The following EPN1 variants were observed in gnomAD, a reference collection of about 807,000 sequenced individuals.
The protein encoded by EPN1 is epsin-1.
Under a neutral mutation model 56.9 loss-of-function variants are expected in EPN1, and 25 were observed. The observed-to-expected ratio is 0.44, with a 90% CI of 0.32 to 0.61. The LOEUF (loss-of-function observed/expected upper bound fraction) is 0.61. Among genes scored for constraint, EPN1 ranks in the 20% least tolerant of loss-of-function variants. The pLI is 0.05. For missense variants in EPN1, 785 were observed against 823.7 expected (o/e 0.95, Z 0.58); for synonymous variants, 411 against 361.8 (o/e 1.14, Z -1.54).
At chr19:55,679,782 GAC>G (rs918662389) in intron 2 of EPN1, among the ~76,000 whole-genome samples, 4 of 152,160 alleles carry the variant, frequency 2.6e-5, no homozygotes, top group African/African-American at 9.7e-5. Context: ...TACCCATCCC[GAC>G]ACACCAGGAT....
rs1296499605 is a variant in EPN1 at position 55,678,595 on chromosome 19, GCC to G, written c.-31_-30del. The stretch of plus-strand genomic sequence containing the variant: ...TCGCCCCATCTCTCCACGCATCGGG[GCC>G]CTGTGCCCCTTGCTGCTGCAGCCGG... On this transcript the variant is annotated 5_prime_UTR_variant, in exon 2 of 11. Coordinates refer to ENST00000270460, the MANE Select transcript of EPN1 (RefSeq NM_001130072.2). 6.3e-7 allele frequency: 1 copy of G among 1,582,684 alleles called. No homozygotes were observed. Among genetic ancestry groups the G allele is most frequent in the Non-Finnish European group, 8.6e-7 (1 of 1,166,250 alleles).
At position 55,709,381 on chromosome 19, in the gene EPN1, T is replaced by TA. The variant is rs36068544; in HGVS notation, c.*14037dup. ...TATTGCTTCTTATAATGTGCTTGCT[T>TA]AAAAAAAAAAAACATGAGCTTTTCT... is the stretch of plus-strand genomic sequence containing the variant. On this transcript the variant is annotated 3_prime_UTR_variant, in exon 11 of 11. Transcript: ENST00000270460. 4.8e-3 allele frequency: 731 copies of TA among 151,318 alleles called. 2 individuals carry two copies. Among genetic ancestry groups the TA allele is most frequent in the African/African-American group, 8.0e-3 (329 of 40,910 alleles). The allele number at this position is 151,318 out of a possible 1,614,324, so 9.4% of individuals were successfully genotyped here.
rs193174793 is a variant in EPN1, at chr19:55,691,926, C to A, written c.935C>A (p.Ala312Asp). 3 of 1,559,264 alleles carry A rather than the reference C, an allele frequency of 1.9e-6. No homozygotes were observed. The highest frequency in any genetic ancestry group is 1.7e-6 in the Non-Finnish European group (2 of 1,153,786). ...GCTGCTGATCCCTGGGGAGGTCCAG[C>A]CCCCACGCCGGCCTCTGGGGACCCC... ...PPAADPWGGP[A>D]PTPASGDPWR... Residue 312 changes from alanine to aspartate, a missense_variant, in exon 7 of 11, where the codon GCC becomes GAC. Transcript: ENST00000270460. This position sits in a 1 kb window ranked among gnomAD's most constrained non-coding sequence, Gnocchi z 5.6.
rs763549998 is a variant in EPN1 at position 55,689,893 on chromosome 19, C to T, written c.705C>T (p.Asp235=). ...AGGAGCGGATCCGTCGCGGGGATGA[C>T]CTGCGGCTGCAGATGGCAATCGAGG... ...DKEERIRRGD[D]LRLQMAIEES... is the part of the protein sequence containing the mutation. The change falls in exon 6 of 11, where the codon GAC becomes GAT. Residue 235 remains aspartate, a synonymous_variant. Coordinates refer to ENST00000270460, the MANE Select transcript of EPN1 (RefSeq NM_001130072.2). The surrounding 1 kb of genome is among the most constrained non-coding windows in gnomAD (Gnocchi z 5.7). 3.1e-6 allele frequency: 5 copies of T among 1,606,288 alleles called. No homozygotes were observed. Among genetic ancestry groups the T allele is most frequent in the East Asian group, 4.5e-5 (2 of 44,572 alleles).
intron 2 of EPN1, among the ~76,000 whole-genome samples, chr19:55,679,069 A>T (rs8100143): frequency 0.16 from 24,548 of 152,266 alleles, 2,892 homozygotes; most frequent in African/African-American, 0.32. Flanking sequence ...AGTGGTGCGT[A>T]CGTAAGATTC....
rs548873399 is a variant in EPN1, at chr19:55,697,957, G to C, written c.*2601G>C. The C allele has an allele frequency of 6.6e-6, 1 of 152,040 alleles. No homozygotes were observed. 9.4% of individuals were successfully genotyped at this position (152,040 alleles called of 1,614,324 possible). On this transcript the variant is annotated 3_prime_UTR_variant, in exon 11 of 11. Coordinates refer to ENST00000270460, the MANE Select transcript of EPN1 (RefSeq NM_001130072.2). The stretch of plus-strand genomic sequence containing the variant: ...GAGGAAGACTTTATTCAGGACCATC[G>C]AGACAGGTACAGGTACCATCAGTGG...
chr19:55,693,068 G>A (rs376934303), intron 9 of EPN1, 31 bp downstream of exon 9: 33 of 1,597,178 alleles, frequency 2.1e-5, no homozygotes, highest in African/African-American at 8.0e-5. Flanking sequence ...GCCCAGTGGC[G>A]AGAGGGAGCC....
chr19:55,694,291 A>C lies in EPN1; in HGVS notation c.1265-435A>C. 1 of 168,620 alleles carries C rather than the reference A, an allele frequency of 5.9e-6. No individual in the cohort carries two copies. The highest frequency in any genetic ancestry group is 1.6e-4 in the East Asian group (1 of 6,160). 10.4% of individuals were successfully genotyped at this position (168,620 alleles called of 1,614,324 possible). On this transcript the variant is annotated intron_variant, in intron 9 of 10. Coordinates refer to ENST00000270460, the MANE Select transcript of EPN1 (RefSeq NM_001130072.2). The surrounding 1 kb of genome is among the most constrained non-coding windows in gnomAD (Gnocchi z 4.2). ...ACAGATGTCTTCACGCTGGCCCGGA[A>C]CACGTGTCTGTGCTGTCTGTCCACT...
At position 55,695,308 on chromosome 19, in the gene EPN1, G is replaced by A; in HGVS notation, c.1683G>A (p.Met561Ile). 1 of 1,556,916 alleles carries A rather than the reference G, an allele frequency of 6.4e-7. No individual in the cohort carries two copies. Among genetic ancestry groups the A allele is most frequent in the Non-Finnish European group, 8.7e-7 (1 of 1,153,780 alleles). Residue 561 changes from methionine to isoleucine, a missense_variant, in exon 11 of 11, where the codon ATG becomes ATA. Coordinates refer to ENST00000270460, the MANE Select transcript of EPN1 (RefSeq NM_001130072.2). The surrounding 1 kb of genome is among the most constrained non-coding windows in gnomAD (Gnocchi z 4.4). ...PLGGGPGLPP[M>I]MPPGPPAPNT... ...GCGGGGGCCCTGGCCTGCCCCCCAT[G>A]ATGCCCCCGGGCCCCCCGGCCCCCA... is the stretch of plus-strand genomic sequence containing the variant.
chr19:55,693,782 C>T lies in EPN1; in HGVS notation c.1264+745C>T, dbSNP rs546056694. On this transcript the variant is annotated intron_variant, in intron 9 of 10. Transcript: ENST00000270460. ...GGCAGCTTGCAGGGAGTGAGCTGCA[C>T]CCACGCTTCCCTCCTCTCATTATCT... Among the ~76,000 whole-genome samples the T allele has an allele frequency of 5.8e-4, 89 of 152,150 alleles. 1 individual carries two copies. The highest frequency in any genetic ancestry group is 1.8e-4 in the Non-Finnish European group (12 of 68,018).
rs1987370058 is a variant in EPN1 at position 55,705,817 on chromosome 19, A to ATTTT, written c.*10462_*10463insTTTT. The ATTTT allele has an allele frequency of 8.1e-6, 1 of 123,444 alleles. No individual in the cohort carries two copies. Among genetic ancestry groups the ATTTT allele is most frequent in the African/African-American group, 3.9e-5 (1 of 25,596 alleles). The allele number at this position is 123,444 out of a possible 1,614,324, so 7.6% of individuals were successfully genotyped here. A position where few individuals can be genotyped will look rare whatever the true frequency, so the allele number is the denominator to read the frequency against. On this transcript the variant is annotated 3_prime_UTR_variant, in exon 11 of 11. Transcript: ENST00000270460. Reference sequence around the variant, plus strand: ...ATATTTGTTGTTGTGGGATATATATATATATATATATTTAGAGTGTTGTGG... The same window carrying ATTTT: ...ATATTTGTTGTTGTGGGATATATATATTTTTATATATATATTTAGAGTGTTGTGG...
intron 2 of EPN1, among the ~76,000 whole-genome samples, chr19:55,683,544 G>T (rs555448331): frequency 5.3e-5 from 8 of 150,524 alleles, no homozygotes; most frequent in Non-Finnish European, 1.0e-4. Context: ...AGTAGAAACA[G>T]GTTTCATCAT....
Position 55,706,299 on chromosome 19 carries a change from T to TTTTTTTTTTTTTTTTTTTTA in EPN1, c.*10943_*10944insTTTTTTTTTTTTTTTTTTTA, listed in dbSNP as rs1324277673. 1.9e-5 allele frequency: 3 copies of TTTTTTTTTTTTTTTTTTTTA among 154,890 alleles called. No individual in the cohort carries two copies. The highest frequency in any genetic ancestry group is 7.6e-5 in the African/African-American group (3 of 39,354). 9.6% of individuals were successfully genotyped at this position (154,890 alleles called of 1,614,324 possible). ...TTTCTTCTTCTTTTTTTTTTTTTTT[T>TTTTTTTTTTTTTTTTTTTTA]AAAAGACCGTGTTTCGCTCTGTCAC... On this transcript the variant is annotated 3_prime_UTR_variant, in exon 11 of 11. Coordinates refer to ENST00000270460, the MANE Select transcript of EPN1 (RefSeq NM_001130072.2).
chr19:55,691,312 A>T lies in EPN1; in HGVS notation c.763-442A>T, dbSNP rs1986531739. Among the ~76,000 whole-genome samples the T allele has an allele frequency of 6.6e-6, 1 of 151,944 alleles. No homozygotes were observed. The highest frequency in any genetic ancestry group is 6.6e-5 in the Admixed American group (1 of 15,260). ...GGGTTCATGGGGGGCTTCCCAGGGG[A>T]AGGCATGGAGCAGGGGCTGGCCAGT... On this transcript the variant is annotated intron_variant, in intron 6 of 10. Coordinates refer to ENST00000270460, the MANE Select transcript of EPN1 (RefSeq NM_001130072.2). The surrounding 1 kb of genome is among the most constrained non-coding windows in gnomAD (Gnocchi z 5.6).
At chr19:55,686,794 C>T (rs1442834802) in intron 3 of EPN1, among the ~76,000 whole-genome samples, 1 of 151,818 alleles carries the variant, frequency 6.6e-6, no homozygotes, top group African/African-American at 2.4e-5. Flanking sequence ...AGGGGCTGGT[C>T]AGCTCGAGGC....
intron 6 of EPN1, among the ~76,000 whole-genome samples, chr19:55,690,594 T>C (rs145450826): frequency 0.017 from 2,654 of 152,268 alleles, 47 homozygotes; most frequent in South Asian, 0.046. Context: ...TCCCCTGGCC[T>C]CTCCCTGGTT....
chr19:55,686,627 G>A (rs777286134), intron 3 of EPN1, among the ~76,000 whole-genome samples: 12 of 152,104 alleles, frequency 7.9e-5, no homozygotes, highest in Admixed American at 7.2e-4. Context: ...TGGGTGTGAC[G>A]GGGTGTGTGC....
At position 55,691,565 on chromosome 19, in the gene EPN1, G is replaced by A. The variant is rs1269578232; in HGVS notation, c.763-189G>A. 6.6e-6 allele frequency among the ~76,000 whole-genome samples: 1 copy of A among 151,988 alleles called. No individual in the cohort carries two copies. The highest frequency in any genetic ancestry group is 1.5e-5 in the Non-Finnish European group (1 of 67,942). ...TGGGGTAGGTGGGCAGGGGTGGGCC[G>A]ACCCCATGACGGATGAGGAGGGAGG... On this transcript the variant is annotated intron_variant, in intron 6 of 10. Coordinates refer to ENST00000270460, the MANE Select transcript of EPN1 (RefSeq NM_001130072.2). This position sits in a 1 kb window ranked among gnomAD's most constrained non-coding sequence, Gnocchi z 5.6.
chr19:55,684,258 G>C (rs529225729), intron 2 of EPN1, among the ~76,000 whole-genome samples: 1 of 152,300 alleles, frequency 6.6e-6, no homozygotes, highest in African/African-American at 2.4e-5. Flanking sequence ...GAGCTTAGCT[G>C]TGATAGCTGA....
Sources: gnomAD v4.1 joint callset for allele counts (sites outside exome capture counted in the v4.1 genomes callset) on GRCh38, gnomAD v4.1.1 for gene constraint, Gnocchi (gnomAD v3.1) non-coding constraint, MANE v1.5 for transcripts, NCBI Gene and HGNC (gene_info 2026-07-23, HGNC 2026-07-21) for gene names.